Variants in CIMIP6 observed in about 807,000 individuals in gnomAD.
The protein encoded by CIMIP6 is ciliary microtubule inner protein 6.
At chr2:54,359,741 A>AT in the CIMIP6 span, among the ~76,000 whole-genome samples, 1 of 151,978 alleles carries the variant, frequency 6.6e-6, no homozygotes, top group East Asian at 1.9e-4. Flanking sequence ...CAATTATTGG[A>AT]TTTTTTTCCA....
chr2:54,346,152 T>C, the CIMIP6 span, among the ~76,000 whole-genome samples: 7 of 152,306 alleles, frequency 4.6e-5, no homozygotes, highest in South Asian at 6.2e-4. Context: ...GCATGCTGTT[T>C]AGTAGTTTTC....
chr2:54,347,674 C>T, the CIMIP6 span, among the ~76,000 whole-genome samples: 1 of 152,064 alleles, frequency 6.6e-6, no homozygotes, highest in Non-Finnish European at 1.5e-5. Context: ...TGTAGATCTA[C>T]TTAATTTGCC....
the CIMIP6 span, among the ~76,000 whole-genome samples, chr2:54,376,383 T>G: frequency 6.6e-6 from 1 of 152,204 alleles, no homozygotes; most frequent in Non-Finnish European, 1.5e-5. Flanking sequence ...ACTATATTCC[T>G]GTCGTCGTAA....
At chr2:54,378,447 A>G in the CIMIP6 span, among the ~76,000 whole-genome samples, 1 of 152,196 alleles carries the variant, frequency 6.6e-6, no homozygotes, top group Non-Finnish European at 1.5e-5. Flanking sequence ...ATTCTTCCCT[A>G]ATTAATTGGC....
the CIMIP6 span, among the ~76,000 whole-genome samples, chr2:54,337,516 A>C: frequency 6.6e-6 from 1 of 152,234 alleles, no homozygotes; most frequent in Non-Finnish European, 1.5e-5. Context: ...AATGACTCTG[A>C]GCTCTAGTTC....
the CIMIP6 span, among the ~76,000 whole-genome samples, chr2:54,354,646 G>C: frequency 6.6e-6 from 1 of 151,978 alleles, no homozygotes; most frequent in East Asian, 1.9e-4. Flanking sequence ...CTATTGTAGA[G>C]AAATGCTCTT....
the CIMIP6 span, among the ~76,000 whole-genome samples, chr2:54,333,263 C>A: frequency 6.6e-6 from 1 of 152,066 alleles, no homozygotes; most frequent in Non-Finnish European, 1.5e-5. Context: ...AAGAAATGAA[C>A]AAAGTACTAA....
the CIMIP6 span, among the ~76,000 whole-genome samples, chr2:54,362,583 C>G: frequency 6.6e-6 from 1 of 152,138 alleles, no homozygotes; most frequent in African/African-American, 2.4e-5. Context: ...GGCAGTCTCT[C>G]CAGAGCCAGG....
At chr2:54,366,195 G>A in the CIMIP6 span, among the ~76,000 whole-genome samples, 1 of 152,182 alleles carries the variant, frequency 6.6e-6, no homozygotes, top group Non-Finnish European at 1.5e-5. Flanking sequence ...AACCAGAGCA[G>A]CATGTGCAAC....
At chr2:54,361,305 T>C in the CIMIP6 span, 4 of 152,224 alleles carry the variant, frequency 2.6e-5, no homozygotes, top group African/African-American at 7.2e-5. Context: ...TCAGATCATT[T>C]CTAGCACCAA....
At chr2:54,352,385 T>G in the CIMIP6 span, among the ~76,000 whole-genome samples, 1 of 152,200 alleles carries the variant, frequency 6.6e-6, no homozygotes, top group African/African-American at 2.4e-5. Flanking sequence ...CTATTTGTAT[T>G]TAATCTGATC....
At chr2:54,330,902 G>T in the CIMIP6 span, 5 of 1,471,256 alleles carry the variant, frequency 3.4e-6, no homozygotes, top group Admixed American at 7.2e-5. Flanking sequence ...CGCGCTTTGC[G>T]CACCCTTTTC....
chr2:54,376,410 T>C, the CIMIP6 span, among the ~76,000 whole-genome samples: 1 of 152,160 alleles, frequency 6.6e-6, no homozygotes. Flanking sequence ...ACTCACTAAG[T>C]CTTAAGGATC....
the CIMIP6 span, among the ~76,000 whole-genome samples, chr2:54,340,458 C>T: frequency 3.3e-5 from 5 of 152,312 alleles, no homozygotes; most frequent in East Asian, 3.9e-4. Context: ...CAAAAGGGCA[C>T]GCACATGTTG....
chr2:54,356,697 A>G, the CIMIP6 span, among the ~76,000 whole-genome samples: 1 of 152,372 alleles, frequency 6.6e-6, no homozygotes, highest in South Asian at 2.1e-4. Context: ...CACAATTCAA[A>G]AAGCAAATTA....
the CIMIP6 span, among the ~76,000 whole-genome samples, chr2:54,362,847 C>G: frequency 6.6e-6 from 1 of 152,180 alleles, no homozygotes; most frequent in African/African-American, 2.4e-5. Flanking sequence ...GTGCATGGCT[C>G]TCATTATCTT....
the CIMIP6 span, chr2:54,331,031 C>T: frequency 1.2e-6 from 2 of 1,612,738 alleles, no homozygotes; most frequent in African/African-American, 1.3e-5. Flanking sequence ...GTCTTATTTC[C>T]CTTTCCAAAA....
At chr2:54,351,863 A>T in the CIMIP6 span, among the ~76,000 whole-genome samples, 1 of 152,222 alleles carries the variant, frequency 6.6e-6, no homozygotes, top group Non-Finnish European at 1.5e-5. Flanking sequence ...CAATCAAAAC[A>T]TTTCCAAATC....
chr2:54,345,248 C>T, the CIMIP6 span, among the ~76,000 whole-genome samples: 1 of 152,110 alleles, frequency 6.6e-6, no homozygotes, highest in African/African-American at 2.4e-5. Flanking sequence ...ACAGAAAGAA[C>T]ACATATACTA....
Sources: gnomAD v4.1 joint callset for allele counts (sites outside exome capture counted in the v4.1 genomes callset) on GRCh38, gnomAD v4.1.1 for gene constraint, MANE v1.5 for transcripts, NCBI Gene and HGNC (gene_info 2026-07-23, HGNC 2026-07-21) for gene names.